The following PHLDB3 variants were observed in gnomAD, a reference collection of about 807,000 sequenced individuals.
PHLDB3 encodes the protein pleckstrin homology-like domain family B member 3.
PHLDB3 carries 86 observed loss-of-function variants against 85.7 expected under a neutral mutation model. The ratio of observed to expected loss-of-function variants is 1.00; its 90% CI spans 0.84 to 1.20. The LOEUF is 1.20. Ranked by LOEUF, PHLDB3 falls within the 50% of genes most tolerant of loss-of-function variation. PHLDB3 has a pLI of 0.00. For missense variants in PHLDB3, 995 were observed against 873.0 expected, an observed-to-expected ratio of 1.14 and a Z score of -1.76; for synonymous variants, 376 against 349.8, an observed-to-expected ratio of 1.07 and a Z score of -0.83.
chr19:43,487,079 C>A lies in PHLDB3; in HGVS notation c.1194G>T (p.Arg398Ser), dbSNP rs749748998. 31 of 1,578,206 alleles carry A rather than the reference C, an allele frequency of 2.0e-5. No individual in the cohort carries two copies. The highest frequency in any genetic ancestry group is 1.1e-4 in the Admixed American group (6 of 54,130). ...LQRTGSLPRKRGERGSQRGSP... is the reference protein window; with the variant it reads ...LQRTGSLPRKSGERGSQRGSP... The stretch of plus-strand genomic sequence containing the variant: ...ATCCTCTCTGGCTCCCCCTCTCCCC[C>A]CTTTTCCGGGGCAGGCTCCCAGTCC... The change falls in exon 10 of 16, where the codon AGG (arginine) becomes AGT (serine). Residue 398 changes from arginine (R) to serine (S), a missense_variant. Transcript: ENST00000292140.
chr19:43,500,816 T>C (rs886082102), intron 4 of PHLDB3, among the ~76,000 whole-genome samples: 4 of 151,848 alleles, frequency 2.6e-5, no homozygotes. Context: ...TGTATTTTTA[T>C]TTTTCACAGA....
At chr19:43,496,297 G>C (rs914713792) in intron 6 of PHLDB3, 1 of 152,160 alleles carries the variant, frequency 6.6e-6, no homozygotes, top group African/African-American at 2.4e-5. Flanking sequence ...TTACAGGAGT[G>C]AGCCACCGAG....
Position 43,478,917 on chromosome 19 carries a change from A to G in PHLDB3, c.1702+460T>C, listed in dbSNP as rs936504949. Among the ~76,000 whole-genome samples the G allele has an allele frequency of 4.6e-5, 6 of 130,190 alleles. No individual in the cohort carries two copies. The South Asian group carries it at 1.8e-3, about 38-fold the overall frequency. 85.4% of individuals were successfully genotyped at this position (130,190 alleles called of 152,430 possible). On this transcript the variant is annotated intron_variant, in intron 14 of 15. Transcript: ENST00000292140. ...GCGACAGAGCAAGACTCTGTCTCCA[A>G]AAAACAAAAACAAAAACAAAAACAA... is the stretch of plus-strand genomic sequence containing the variant.
chr19:43,495,752 C>T, intron 6 of PHLDB3, 132 bp from the exon 7 acceptor site: 1 of 1,337,770 alleles, frequency 7.5e-7, no homozygotes, highest in South Asian at 1.5e-5. Flanking sequence ...GTGTCCAGGG[C>T]TGGGGACCCA....
chr19:43,501,631 T>C lies in PHLDB3; in HGVS notation c.534+103A>G, dbSNP rs931659254. The stretch of plus-strand genomic sequence containing the variant: ...CTCTCAGGAGCCCAAATGTCTTCCT[T>C]TGGGGAATGGGGACAACCCCGGGGC... On this transcript the variant is annotated intron_variant, in intron 4 of 15. Transcript: ENST00000292140. 2.0e-6 allele frequency: 3 copies of C among 1,510,536 alleles called. No individual in the cohort carries two copies. The African/African-American group carries it at 4.2e-5, about 21-fold the overall frequency. The allele number at this position is 1,510,536 out of a possible 1,614,324, so 93.6% of individuals were successfully genotyped here.
Position 43,497,390 on chromosome 19 carries a change from A to T in PHLDB3, c.664-111T>A, listed in dbSNP as rs139293530. On this transcript the variant is annotated intron_variant, in intron 5 of 15. Transcript: ENST00000292140. ...AGGAAGAAGGTGACTGAGGACTTGG[A>T]TTCCTGGGTCCTGGGGAGGAGGGGG... 4.5e-4 allele frequency: 424 copies of T among 933,732 alleles called. 1 individual carries two copies. In the African/African-American group the frequency reaches 4.6e-3, roughly 10 times the overall value. 57.8% of individuals were successfully genotyped at this position (933,732 alleles called of 1,614,324 possible). A position where few individuals can be genotyped will look rare whatever the true frequency, so the allele number is the denominator to read the frequency against.
At chr19:43,496,975 A>G (rs1971471634) in intron 6 of PHLDB3, 143 bp downstream of exon 6, 3 of 1,182,674 alleles carry the variant, frequency 2.5e-6, no homozygotes, top group South Asian at 3.9e-5. Flanking sequence ...CACATAGTAA[A>G]TGTTTCATTA....
intron 13 of PHLDB3, among the ~76,000 whole-genome samples, chr19:43,482,079 T>C (rs1385392441): frequency 1.3e-5 from 2 of 151,874 alleles, no homozygotes; most frequent in African/African-American, 4.8e-5. Flanking sequence ...GATTACCTCG[T>C]TTCTTCTCCA....
Position 43,475,202 on chromosome 19 carries a change from A to AG in PHLDB3, c.*207dup. The AG allele has an allele frequency of 3.3e-6, 2 of 610,476 alleles. No individual in the cohort carries two copies. Among genetic ancestry groups the AG allele is most frequent in the Non-Finnish European group, 5.5e-6 (2 of 361,032 alleles). 37.8% of individuals were successfully genotyped at this position (610,476 alleles called of 1,614,324 possible). ...TTCCTCCTGCCCCGGGCAGGGCCTTAGGGGCCGGCGATCCCGTCGGGGGCA... is the reference window on the plus strand; with the variant it reads ...TTCCTCCTGCCCCGGGCAGGGCCTTAGGGGGCCGGCGATCCCGTCGGGGGCA... On this transcript the variant is annotated 3_prime_UTR_variant, in exon 16 of 16. Transcript: ENST00000292140.
chr19:43,487,397 A>G (rs900347208), intron 9 of PHLDB3, among the ~76,000 whole-genome samples: 1 of 152,108 alleles, frequency 6.6e-6, no homozygotes, highest in East Asian at 1.9e-4. Context: ...CAATATGGTG[A>G]AACCCCATCT....
At chr19:43,480,144 G>A (rs1444778586) in intron 13 of PHLDB3, among the ~76,000 whole-genome samples, 1 of 151,264 alleles carries the variant, frequency 6.6e-6, no homozygotes, top group African/African-American at 2.4e-5. Context: ...AATGAAGATT[G>A]GAGCCTGTGT....
chr19:43,475,438 G>A lies in PHLDB3; in HGVS notation c.1895C>T (p.Thr632Ile). The A allele has an allele frequency of 6.2e-7, 1 of 1,613,974 alleles. No individual in the cohort carries two copies. The highest frequency in any genetic ancestry group is 1.1e-5 in the South Asian group (1 of 91,090). The change falls in exon 16 of 16, where the codon ACC becomes ATC. Residue 632 changes from threonine to isoleucine, a missense_variant. Thr to Ile is a moderately conservative substitution (Grantham distance 89, BLOSUM62 -1). Transcript: ENST00000292140. ...GGGGGCGTGGTTTTCGTCAGCGGCG[G>A]TCACGATGACGTCCATCCAAATGCG... ...AMRIWMDVIV[T>I]AADENHAP
rs1465328410 is a variant in PHLDB3, at chr19:43,495,581, G to A, written c.865C>T (p.Gln289Ter). 6.2e-7 allele frequency: 1 copy of A among 1,610,414 alleles called. No individual in the cohort carries two copies. The highest frequency in any genetic ancestry group is 8.5e-7 in the Non-Finnish European group (1 of 1,178,554). Reference protein sequence around the residue: ...LQHRIRVLEEQLKSLGEQMAA... With the variant: ...LQHRIRVLEE ...ATCTGCTCCCCCAGTGACTTGAGCTGCTCTTCCAGGACCCGGATCCGGTGC... is the reference window on the plus strand; with the variant it reads ...ATCTGCTCCCCCAGTGACTTGAGCTACTCTTCCAGGACCCGGATCCGGTGC... The change falls in exon 7 of 16, where the codon CAG becomes TAG. Residue 289 changes from glutamine to a stop codon, truncating the protein, a stop_gained. Coordinates refer to ENST00000292140, the MANE Select transcript of PHLDB3 (RefSeq NM_198850.4). LOFTEE classifies it high-confidence loss of function.
At chr19:43,503,438 G>T (rs1342419998) in intron 2 of PHLDB3, among the ~76,000 whole-genome samples, 1 of 152,098 alleles carries the variant, frequency 6.6e-6, no homozygotes, top group African/African-American at 2.4e-5. Context: ...GAGTAGCTGG[G>T]ATTACAGGCA....
At chr19:43,498,410 GAGAA>G (rs774085508) in intron 4 of PHLDB3, among the ~76,000 whole-genome samples, 1 of 150,018 alleles carries the variant, frequency 6.7e-6, no homozygotes, top group Non-Finnish European at 1.5e-5. Flanking sequence ...GAAGGAGAGA[GAGAA>G]AGAAAAGAGG....
At chr19:43,503,603 G>A (rs972897548) in intron 2 of PHLDB3, among the ~76,000 whole-genome samples, 4 of 152,048 alleles carry the variant, frequency 2.6e-5, no homozygotes, top group Non-Finnish European at 5.9e-5. Flanking sequence ...CACCTATCTG[G>A]TTCCTCTATA....
At chr19:43,479,875 C>A (rs1453737644) in intron 13 of PHLDB3, among the ~76,000 whole-genome samples, 1 of 151,956 alleles carries the variant, frequency 6.6e-6, no homozygotes, top group African/African-American at 2.4e-5. Flanking sequence ...ACATAATGCA[C>A]CCGAGGTCAC....
chr19:43,490,042 AAAGGAAGG>A lies in PHLDB3; in HGVS notation c.1150-2927_1150-2920del, dbSNP rs143919159. Among the ~76,000 whole-genome samples the A allele has an allele frequency of 4.7e-3, 691 of 147,656 alleles. 5 individuals carry two copies. The highest frequency in any genetic ancestry group is 0.016 in the African/African-American group (665 of 40,372). ...AAAAAAGAAAGAGCAAGAGAGAGAA[AAAGGAAGG>A]AAGGAAGGAAGGAAGGGAAGGAGGA... On this transcript the variant is annotated intron_variant, in intron 9 of 15. Transcript: ENST00000292140.
intron 13 of PHLDB3, among the ~76,000 whole-genome samples, chr19:43,483,977 C>A (rs1357643994): frequency 1.3e-5 from 2 of 152,054 alleles, no homozygotes; most frequent in African/African-American, 4.8e-5. Context: ...CAAGGCCAGG[C>A]ACGGTAGCTC....
Sources: gnomAD v4.1 joint callset for allele counts (sites outside exome capture counted in the v4.1 genomes callset) on GRCh38, gnomAD v4.1.1 for gene constraint, MANE v1.5 for transcripts, NCBI Gene and HGNC (gene_info 2026-07-23, HGNC 2026-07-21) for gene names.